Variants in LRRC72 observed in about 807,000 individuals in gnomAD.
The protein encoded by LRRC72 is leucine-rich repeat-containing protein 72.
Under a neutral mutation model 35.8 loss-of-function variants are expected in LRRC72, and 41 were observed. The observed-to-expected ratio is 1.15, with a 90% confidence interval of 0.89 to 1.49. LRRC72 has a LOEUF of 1.49. LRRC72 is among the 40% of genes most tolerant of loss of function. LRRC72 has a pLI of 0.00. For missense variants in LRRC72, 389 were observed against 330.7 expected (o/e 1.18, Z -1.37); for synonymous variants, 118 against 119.2 (o/e 0.99, Z 0.07).
intron 7 of LRRC72, among the ~76,000 whole-genome samples, chr7:16,575,842 T>C (rs958861048): frequency 1.3e-5 from 2 of 152,182 alleles, no homozygotes. Flanking sequence ...TAACAAACAA[T>C]GCAAGGTCAG....
intron 3 of LRRC72, among the ~76,000 whole-genome samples, chr7:16,555,621 A>C (rs1049010149): frequency 6.6e-6 from 1 of 152,100 alleles, no homozygotes; most frequent in Non-Finnish European, 1.5e-5. Flanking sequence ...AAAAATAAAA[A>C]ATTAGCTGGC....
Position 16,560,476 on chromosome 7 carries a change from G to T in LRRC72, c.427+1477G>T, listed in dbSNP as rs375936112. 2.6e-5 allele frequency among the ~76,000 whole-genome samples: 4 copies of T among 152,160 alleles called. No homozygotes were observed. The East Asian group carries it at 5.8e-4, about 22-fold the overall frequency. On this transcript the variant is annotated intron_variant, in intron 5 of 8. Transcript: ENST00000401542. ...CTTATTTTGGAGACGTGAGAAGGCTGCCTGCTGTCAGGAGTTTTTTTCACA... is the reference window on the plus strand; with the variant it reads ...CTTATTTTGGAGACGTGAGAAGGCTTCCTGCTGTCAGGAGTTTTTTTCACA...
At chr7:16,532,234 A>G (rs942336029) in intron 1 of LRRC72, among the ~76,000 whole-genome samples, 1 of 152,206 alleles carries the variant, frequency 6.6e-6, no homozygotes, top group Non-Finnish European at 1.5e-5. Flanking sequence ...CTTTTGGTGT[A>G]TACGTACACA....
intron 3 of LRRC72, among the ~76,000 whole-genome samples, chr7:16,555,131 G>A (rs749891457): frequency 4.6e-5 from 7 of 152,296 alleles, no homozygotes; most frequent in East Asian, 1.9e-4. Flanking sequence ...GGGGAAACAC[G>A]GCTTCTCTCA....
intron 3 of LRRC72, among the ~76,000 whole-genome samples, chr7:16,557,060 C>T (rs6968649): frequency 6.6e-6 from 1 of 151,790 alleles, no homozygotes; most frequent in African/African-American, 2.4e-5. Context: ...ATATTGTCAG[C>T]GCAAAAGGGC....
chr7:16,563,412 C>T (rs1211886060), intron 5 of LRRC72, among the ~76,000 whole-genome samples: 1 of 151,962 alleles, frequency 6.6e-6, no homozygotes, highest in East Asian at 1.9e-4. Context: ...GACTCAGAAT[C>T]CCAAATTAAG....
chr7:16,553,691 T>A (rs781115972), intron 3 of LRRC72, among the ~76,000 whole-genome samples: 1 of 152,110 alleles, frequency 6.6e-6, no homozygotes, highest in Non-Finnish European at 1.5e-5. Flanking sequence ...ACCCCCAGGG[T>A]AGCCCCTGCC....
chr7:16,560,636 T>C (rs190781150), intron 5 of LRRC72, among the ~76,000 whole-genome samples: 165 of 152,060 alleles, frequency 1.1e-3, no homozygotes, highest in Non-Finnish European at 2.0e-3. Context: ...TTCTATAAAA[T>C]GGGCTGATAG....
At chr7:16,570,677 G>C (rs1782926896) in intron 7 of LRRC72, among the ~76,000 whole-genome samples, 1 of 151,988 alleles carries the variant, frequency 6.6e-6, no homozygotes, top group Non-Finnish European at 1.5e-5. Flanking sequence ...AAAATTAGCT[G>C]GGTTTGGTGG....
chr7:16,527,364 C>T, intron 1 of LRRC72, among the ~76,000 whole-genome samples: 1 of 152,096 alleles, frequency 6.6e-6, no homozygotes, highest in Non-Finnish European at 1.5e-5. Flanking sequence ...CCTTTTACCA[C>T]TCAGCATCTG....
intron 3 of LRRC72, among the ~76,000 whole-genome samples, chr7:16,540,722 G>A (rs1188594374): frequency 1.3e-5 from 2 of 152,052 alleles, no homozygotes; most frequent in East Asian, 1.9e-4. Flanking sequence ...GAGATCTGAT[G>A]GTTTTAAAAG....
At chr7:16,532,434 A>G in intron 1 of LRRC72, 61 bp from the exon 2 acceptor site, 1 of 1,193,990 alleles carries the variant, frequency 8.4e-7, no homozygotes, top group Non-Finnish European at 1.2e-6. Flanking sequence ...TACTGACTGC[A>G]AGTGCCTCAG....
chr7:16,572,259 C>T (rs1449548227), intron 7 of LRRC72, among the ~76,000 whole-genome samples: 1 of 152,198 alleles, frequency 6.6e-6, no homozygotes, highest in African/African-American at 2.4e-5. Flanking sequence ...CCTTCTGGAA[C>T]TATTTTAAAC....
At chr7:16,536,304 T>A (rs940204850) in intron 2 of LRRC72, among the ~76,000 whole-genome samples, 1 of 152,018 alleles carries the variant, frequency 6.6e-6, no homozygotes, top group Non-Finnish European at 1.5e-5. Context: ...CCAAAAAAAA[T>A]GTAGGAACAA....
chr7:16,581,523 AG>A lies in LRRC72; in HGVS notation c.*35del. The A allele has an allele frequency of 2.1e-6, 3 of 1,457,220 alleles. No homozygotes were observed. Among genetic ancestry groups the A allele is most frequent in the Non-Finnish European group, 2.7e-6 (3 of 1,099,578 alleles). The allele number at this position is 1,457,220 out of a possible 1,614,324, so 90.3% of individuals were successfully genotyped here. On this transcript the variant is annotated 3_prime_UTR_variant, in exon 9 of 9. Transcript: ENST00000401542. ...ATTTCTAGATATCTTAGTGGTTTTC[AG>A]TTGTATATTAAACTTCCCTGTGACT...
At chr7:16,566,865 G>A (rs534471883) in intron 6 of LRRC72, among the ~76,000 whole-genome samples, 1 of 152,144 alleles carries the variant, frequency 6.6e-6, no homozygotes, top group African/African-American at 2.4e-5. Context: ...CTTCAAGATA[G>A]CATGTCAGAT....
At chr7:16,529,736 T>C (rs536108629) in intron 1 of LRRC72, among the ~76,000 whole-genome samples, 1 of 152,250 alleles carries the variant, frequency 6.6e-6, no homozygotes, top group African/African-American at 2.4e-5. Flanking sequence ...ATTATGATAG[T>C]GATTTACATA....
At chr7:16,568,004 G>A (rs1257530395) in intron 7 of LRRC72, among the ~76,000 whole-genome samples, 1 of 152,044 alleles carries the variant, frequency 6.6e-6, no homozygotes, top group Admixed American at 6.5e-5. Context: ...CTCACATACA[G>A]GGTCATTATA....
chr7:16,573,739 A>T (rs553132389), intron 7 of LRRC72, among the ~76,000 whole-genome samples: 92 of 152,360 alleles, frequency 6.0e-4, no homozygotes, highest in African/African-American at 2.1e-3. Flanking sequence ...GGACATAGGC[A>T]TGGGCAAAGA....
Sources: gnomAD v4.1 joint callset for allele counts (sites outside exome capture counted in the v4.1 genomes callset) on GRCh38, gnomAD v4.1.1 for gene constraint, MANE v1.5 for transcripts, NCBI Gene and HGNC (gene_info 2026-07-23, HGNC 2026-07-21) for gene names.